The following CAMKMT variants were observed in gnomAD, a reference collection of about 807,000 sequenced individuals.
CAMKMT encodes the protein CaM KMT.
Under a neutral mutation model 48.0 loss-of-function variants are expected in CAMKMT, and 53 were observed. The ratio of observed to expected loss-of-function variants is 1.10; its 90% CI spans 0.89 to 1.39. CAMKMT has a LOEUF of 1.39. CAMKMT is among the 40% of genes most tolerant of loss of function. CAMKMT has a pLI of 0.00. For synonymous variants in CAMKMT, 165 were observed against 152.3 expected, an observed-to-expected ratio of 1.08 and a Z score of -0.61; for missense variants, 428 against 402.7, an observed-to-expected ratio of 1.06 and a Z score of -0.54.
At chr2:44,641,952 C>G (rs1164377658) in intron 3 of CAMKMT, among the ~76,000 whole-genome samples, 1 of 152,186 alleles carries the variant, frequency 6.6e-6, no homozygotes, top group Non-Finnish European at 1.5e-5. Flanking sequence ...TTCCCAGCAT[C>G]TACTGAGCTG....
chr2:44,477,004 G>A (rs570312868), intron 3 of CAMKMT, among the ~76,000 whole-genome samples: 2 of 152,182 alleles, frequency 1.3e-5, no homozygotes, highest in East Asian at 1.9e-4. Flanking sequence ...GTAGTTCTGG[G>A]TTATAGTCTC....
chr2:44,722,394 A>G (rs998280840), intron 7 of CAMKMT, among the ~76,000 whole-genome samples: 1 of 152,136 alleles, frequency 6.6e-6, no homozygotes, highest in Non-Finnish European at 1.5e-5. Context: ...TTAGATATTC[A>G]TCAGTAAAAT....
chr2:44,480,286 C>T (rs1225521652), intron 3 of CAMKMT, among the ~76,000 whole-genome samples: 1 of 152,168 alleles, frequency 6.6e-6, no homozygotes, highest in Non-Finnish European at 1.5e-5. Context: ...GTGCTTGTTA[C>T]TTCAGTGGGT....
chr2:44,594,910 C>G (rs1257516480), intron 3 of CAMKMT, among the ~76,000 whole-genome samples: 1 of 152,098 alleles, frequency 6.6e-6, no homozygotes, highest in African/African-American at 2.4e-5. Flanking sequence ...TGCAATCTAT[C>G]CATCTGACAA....
At chr2:44,767,894 T>G (rs1235555305) in intron 10 of CAMKMT, among the ~76,000 whole-genome samples, 3 of 152,136 alleles carry the variant, frequency 2.0e-5, no homozygotes, top group Admixed American at 6.5e-5. Flanking sequence ...CCATTCACTT[T>G]CCCCCTAGAA....
chr2:44,724,139 CGT>C (rs1257405065), intron 7 of CAMKMT, among the ~76,000 whole-genome samples: 2 of 152,082 alleles, frequency 1.3e-5, no homozygotes, highest in African/African-American at 4.8e-5. Context: ...GGTGCAGTGG[CGT>C]GTGCCTGTAG....
At chr2:44,603,730 T>A (rs938442374) in intron 3 of CAMKMT, among the ~76,000 whole-genome samples, 2 of 152,234 alleles carry the variant, frequency 1.3e-5, no homozygotes, top group Non-Finnish European at 2.9e-5. Context: ...TTGCCCTCTT[T>A]AATTATTTAA....
intron 7 of CAMKMT, among the ~76,000 whole-genome samples, chr2:44,734,664 C>T (rs1439227227): frequency 6.6e-6 from 1 of 152,166 alleles, no homozygotes; most frequent in African/African-American, 2.4e-5. Context: ...TCCACCCCCT[C>T]AGCCTCCCAA....
chr2:44,649,935 T>A (rs1673964451), intron 3 of CAMKMT, among the ~76,000 whole-genome samples: 1 of 152,142 alleles, frequency 6.6e-6, no homozygotes. Context: ...CACCATAAGT[T>A]GTGAGGGAGG....
chr2:44,381,085 G>A (rs991963919), intron 2 of CAMKMT, among the ~76,000 whole-genome samples: 6 of 152,216 alleles, frequency 3.9e-5, no homozygotes, highest in Admixed American at 1.3e-4. Flanking sequence ...GCTTGAACCC[G>A]GGAGACAGAG....
intron 3 of CAMKMT, chr2:44,456,657 A>T (rs1667579467): frequency 1.3e-6 from 2 of 1,532,356 alleles, no homozygotes; most frequent in Admixed American, 4.0e-5. Flanking sequence ...GGGAGATGGG[A>T]CTTATAAGAA....
intron 9 of CAMKMT, among the ~76,000 whole-genome samples, chr2:44,764,465 C>A (rs1680750908): frequency 6.6e-6 from 1 of 152,134 alleles, no homozygotes; most frequent in Non-Finnish European, 1.5e-5. Flanking sequence ...AGGCTTTGTT[C>A]TTCCCATTTA....
At chr2:44,445,387 C>G (rs1314192718) in intron 3 of CAMKMT, among the ~76,000 whole-genome samples, 1 of 152,116 alleles carries the variant, frequency 6.6e-6, no homozygotes, top group Non-Finnish European at 1.5e-5. Flanking sequence ...TCCCCTCTTT[C>G]TAGATGAGTA....
intron 3 of CAMKMT, among the ~76,000 whole-genome samples, chr2:44,678,314 C>T (rs940694054): frequency 6.6e-6 from 1 of 152,184 alleles, no homozygotes; most frequent in African/African-American, 2.4e-5. Context: ...AGTTCTTCAT[C>T]TTGTGTTAGA....
chr2:44,527,901 C>G (rs1666248858), intron 3 of CAMKMT, among the ~76,000 whole-genome samples: 2 of 151,654 alleles, frequency 1.3e-5, no homozygotes, highest in Admixed American at 6.6e-5. Flanking sequence ...TACTCTTCCT[C>G]TTTTGACATT....
At chr2:44,614,516 A>T (rs1671766317) in intron 3 of CAMKMT, among the ~76,000 whole-genome samples, 2 of 152,216 alleles carry the variant, frequency 1.3e-5, no homozygotes, top group Non-Finnish European at 2.9e-5. Flanking sequence ...CTCTGCCTTC[A>T]TGAAGGCTAT....
At chr2:44,706,224 ATCTC>A in intron 4 of CAMKMT, 59 bp from the exon 5 acceptor site, 1 of 1,545,030 alleles carries the variant, frequency 6.5e-7, no homozygotes, top group South Asian at 1.1e-5. Flanking sequence ...TGTAACATAT[ATCTC>A]TCTCTGACCA....
At position 44,674,011 on chromosome 2, in the gene CAMKMT, T is replaced by G. The variant is rs912531823; in HGVS notation, c.377-30272T>G. On this transcript the variant is annotated intron_variant, in intron 3 of 10. Transcript: ENST00000378494. ...AAAGTTTGAATCATGTTTGCTATTTTCATGCACCAAAACCTTCAAAATTAC... is the reference window on the plus strand; with the variant it reads ...AAAGTTTGAATCATGTTTGCTATTTGCATGCACCAAAACCTTCAAAATTAC... Among the ~76,000 whole-genome samples the G allele has an allele frequency of 5.3e-5, 8 of 152,200 alleles. No individual in the cohort carries two copies. The South Asian group carries it at 1.7e-3, about 32-fold the overall frequency.
intron 3 of CAMKMT, among the ~76,000 whole-genome samples, chr2:44,677,791 G>A (rs1318319263): frequency 4.6e-5 from 7 of 151,980 alleles, no homozygotes; most frequent in East Asian, 1.9e-4. Flanking sequence ...CTTATTGCCC[G>A]CACCTGGTGT....
Sources: gnomAD v4.1 joint callset for allele counts (sites outside exome capture counted in the v4.1 genomes callset) on GRCh38, gnomAD v4.1.1 for gene constraint, MANE v1.5 for transcripts, NCBI Gene and HGNC (gene_info 2026-07-23, HGNC 2026-07-21) for gene names.